PTPRG: variants seen among roughly 807,000 people sequenced by gnomAD.
PTPRG encodes the protein protein tyrosine phosphatase receptor type G.
In PTPRG, 102 loss-of-function variants were observed where a neutral mutation model predicts 165.3. The observed-to-expected ratio is 0.62, with a 90% CI of 0.53 to 0.73. PTPRG has a LOEUF of 0.73. Among genes scored for constraint, PTPRG ranks in the 30% least tolerant of loss-of-function variants. The pLI is 0.00. For synonymous variants in PTPRG, 675 were observed against 669.5 expected, an observed-to-expected ratio of 1.01 and a Z score of -0.13; for missense variants, 1,866 against 1,861.4, an observed-to-expected ratio of 1.00 and a Z score of -0.05.
At chr3:61,826,586 T>G (rs186023825) in intron 2 of PTPRG, among the ~76,000 whole-genome samples, 1 of 152,286 alleles carries the variant, frequency 6.6e-6, no homozygotes, top group East Asian at 1.9e-4. Flanking sequence ...ACGGCCAATT[T>G]GTTAAAAATG....
At chr3:61,858,012 A>G (rs941209035) in intron 2 of PTPRG, among the ~76,000 whole-genome samples, 1 of 152,224 alleles carries the variant, frequency 6.6e-6, no homozygotes, top group African/African-American at 2.4e-5. Context: ...CAGACATTGC[A>G]GAATCCCGCC....
Position 62,028,699 on chromosome 3 carries a change from A to G in PTPRG, c.519+25202A>G, listed in dbSNP as rs181565558. ...CTCAAGTCAGCCTAAACATAAAAAG[A>G]TTGTTTATTTTTAAAATATAGGAGT... On this transcript the variant is annotated intron_variant, in intron 4 of 29. Coordinates refer to ENST00000474889, the MANE Select transcript of PTPRG (RefSeq NM_002841.4). 1.8e-3 allele frequency among the ~76,000 whole-genome samples: 267 copies of G among 152,312 alleles called. 1 individual carries two copies. Among genetic ancestry groups the G allele is most frequent in the Admixed American group, 6.1e-3 (93 of 15,304 alleles).
chr3:61,975,984 G>A lies in PTPRG; in HGVS notation c.191-13641G>A, dbSNP rs542135591. Reference sequence around the variant, plus strand: ...CCACTGTCATGTGTTGGATTACAAAGGTGAAGTTCTATGTCCTACCCTTGA... The same window carrying A: ...CCACTGTCATGTGTTGGATTACAAAAGTGAAGTTCTATGTCCTACCCTTGA... On this transcript the variant is annotated intron_variant, in intron 2 of 29. Coordinates refer to ENST00000474889, the MANE Select transcript of PTPRG (RefSeq NM_002841.4). Among the ~76,000 whole-genome samples the A allele has an allele frequency of 1.8e-3, 277 of 152,226 alleles. 1 individual carries two copies. The highest frequency in any genetic ancestry group is 6.5e-3 in the African/African-American group (271 of 41,536).
chr3:62,259,828 T>G (rs918111065), intron 16 of PTPRG, among the ~76,000 whole-genome samples: 5 of 152,078 alleles, frequency 3.3e-5, no homozygotes, highest in Non-Finnish European at 1.5e-5. Flanking sequence ...CTTACCAAGG[T>G]AAATGGCAAT....
Position 62,233,792 on chromosome 3 carries a change from G to A in PTPRG, c.2375+2481G>A, listed in dbSNP as rs954894955. ...AAAAGCAGGACAACAGCTGTGAGAGGTGATTATCCTCCCAGAAAGGAGAGG... is the reference window on the plus strand; with the variant it reads ...AAAAGCAGGACAACAGCTGTGAGAGATGATTATCCTCCCAGAAAGGAGAGG... On this transcript the variant is annotated intron_variant, in intron 14 of 29. Transcript: ENST00000474889. This position sits in a 1 kb window ranked among gnomAD's most constrained non-coding sequence, Gnocchi z 4.7. Among the ~76,000 whole-genome samples, 1 of 152,208 alleles carries A rather than the reference G, an allele frequency of 6.6e-6. No individual in the cohort carries two copies.
intron 2 of PTPRG, among the ~76,000 whole-genome samples, chr3:61,895,035 G>T (rs183467016): frequency 1.3e-5 from 2 of 152,302 alleles, no homozygotes; most frequent in Admixed American, 6.5e-5. Context: ...GTGACAACCA[G>T]TGTCTCCAGA....
chr3:61,859,688 G>T (rs926774032), intron 2 of PTPRG, among the ~76,000 whole-genome samples: 3 of 151,596 alleles, frequency 2.0e-5, no homozygotes, highest in Non-Finnish European at 4.4e-5. Flanking sequence ...GCAAGCAAAT[G>T]ACCCCCATAT....
rs80254379 is a variant in PTPRG at position 61,973,076 on chromosome 3, T to C, written c.191-16549T>C. ...GTCCTGCCGAGACACTTGAAAGGTCTAAATTTCCCCTTAAAAAGTAGTCCT... is the reference window on the plus strand; with the variant it reads ...GTCCTGCCGAGACACTTGAAAGGTCCAAATTTCCCCTTAAAAAGTAGTCCT... On this transcript the variant is annotated intron_variant, in intron 2 of 29. Coordinates refer to ENST00000474889, the MANE Select transcript of PTPRG (RefSeq NM_002841.4). Among the ~76,000 whole-genome samples the C allele has an allele frequency of 1.3e-3, 191 of 152,338 alleles. 3 individuals are homozygous for C. The East Asian group carries it at 0.032, about 26-fold the overall frequency.
chr3:62,061,413 A>G (rs1353380840), intron 4 of PTPRG, among the ~76,000 whole-genome samples: 1 of 150,354 alleles, frequency 6.7e-6, no homozygotes, highest in African/African-American at 2.4e-5. Flanking sequence ...GGTTGACACC[A>G]TCTCCGGTAG....
intron 5 of PTPRG, among the ~76,000 whole-genome samples, chr3:62,095,223 G>T (rs1323686151): frequency 6.6e-6 from 1 of 152,144 alleles, no homozygotes; most frequent in African/African-American, 2.4e-5. Context: ...GGTGTCAGAG[G>T]GGACTCTTAC....
In PTPRG at chr3:61,636,062, T is replaced by C. The variant is rs138442759; in HGVS notation, c.85+73690T>C. Among the ~76,000 whole-genome samples the C allele has an allele frequency of 1.3e-3, 194 of 152,262 alleles. 2 individuals are homozygous for C. In the South Asian group the frequency reaches 0.014, roughly 11 times the overall value. On this transcript the variant is annotated intron_variant, in intron 1 of 29. Transcript: ENST00000474889. ...CATTTTTCATTCTTGCATAAATTCT[T>C]CCTAAATTTGAGCTATCCTGAAGGT...
rs553539464 is a variant in PTPRG at position 61,775,259 on chromosome 3, T to A, written c.190+26277T>A. Among the ~76,000 whole-genome samples the A allele has an allele frequency of 2.0e-5, 3 of 152,208 alleles. No homozygotes were observed. The South Asian group carries it at 6.2e-4, about 32-fold the overall frequency. On this transcript the variant is annotated intron_variant, in intron 2 of 29. Coordinates refer to ENST00000474889, the MANE Select transcript of PTPRG (RefSeq NM_002841.4). ...ATACTTTTTGTATTTTTAGTTGAGATGGGGTTTCACCATGGTGGCCAGGCT... is the reference window on the plus strand; with the variant it reads ...ATACTTTTTGTATTTTTAGTTGAGAAGGGGTTTCACCATGGTGGCCAGGCT...
Position 62,240,489 on chromosome 3 carries a change from C to G in PTPRG, c.2376-3318C>G, listed in dbSNP as rs144177208. 3.9e-4 allele frequency among the ~76,000 whole-genome samples: 59 copies of G among 152,222 alleles called. No homozygotes were observed. In the East Asian group the frequency reaches 0.011, roughly 28 times the overall value. Reference sequence around the variant, plus strand: ...TCTAATCCATTCATCATGTAGCAGCCAAAATGAGCTTTCTGAAAGAAGCAA... The same window carrying G: ...TCTAATCCATTCATCATGTAGCAGCGAAAATGAGCTTTCTGAAAGAAGCAA... On this transcript the variant is annotated intron_variant, in intron 14 of 29. Coordinates refer to ENST00000474889, the MANE Select transcript of PTPRG (RefSeq NM_002841.4). This position sits in a 1 kb window ranked among gnomAD's most constrained non-coding sequence, Gnocchi z 5.1.
At chr3:61,609,007 T>C (rs115913167) in intron 1 of PTPRG, among the ~76,000 whole-genome samples, 1,742 of 152,290 alleles carry the variant, frequency 0.011, 21 homozygotes, top group Non-Finnish European at 0.019. Flanking sequence ...TTGCCCTCGA[T>C]GTGTGAGGTT....
intron 23 of PTPRG, among the ~76,000 whole-genome samples, chr3:62,275,241 T>A (rs895898142): frequency 6.6e-6 from 1 of 152,224 alleles, no homozygotes; most frequent in Non-Finnish European, 1.5e-5. Context: ...AACAGAAATG[T>A]ACTGAGAACT....
At chr3:61,671,999 C>G (rs1409516795) in intron 1 of PTPRG, among the ~76,000 whole-genome samples, 1 of 119,376 alleles carries the variant, frequency 8.4e-6, no homozygotes, top group Non-Finnish European at 1.7e-5. Context: ...CCTCACTTCT[C>G]AGACGGGGCG....
At chr3:62,260,042 T>TG (rs1320040249) in intron 16 of PTPRG, among the ~76,000 whole-genome samples, 1 of 152,164 alleles carries the variant, frequency 6.6e-6, no homozygotes, top group African/African-American at 2.4e-5. Context: ...ATTTATACCC[T>TG]GAGCAGGAGA....
chr3:62,292,290 C>T, intron 28 of PTPRG, 131 bp from the exon 29 acceptor site: 1 of 1,008,270 alleles, frequency 9.9e-7, no homozygotes, highest in East Asian at 2.6e-5. Context: ...GCATTTCATT[C>T]AGTCGTGTCT....
At position 61,791,644 on chromosome 3, in the gene PTPRG, C is replaced by G. The variant is rs141149188; in HGVS notation, c.190+42662C>G. Among the ~76,000 whole-genome samples the G allele has an allele frequency of 2.0e-5, 3 of 152,156 alleles. No individual in the cohort carries two copies. In the South Asian group the frequency reaches 6.2e-4, roughly 32 times the overall value. On this transcript the variant is annotated intron_variant, in intron 2 of 29. Coordinates refer to ENST00000474889, the MANE Select transcript of PTPRG (RefSeq NM_002841.4). Reference sequence around the variant, plus strand: ...CTGGAATTACAGACATGTGCCACCACGCCTGGCTAATGTTTATATTTTCAG... The same window carrying G: ...CTGGAATTACAGACATGTGCCACCAGGCCTGGCTAATGTTTATATTTTCAG...
Sources: gnomAD v4.1 joint callset for allele counts (sites outside exome capture counted in the v4.1 genomes callset) on GRCh38, gnomAD v4.1.1 for gene constraint, Gnocchi (gnomAD v3.1) non-coding constraint, MANE v1.5 for transcripts, NCBI Gene and HGNC (gene_info 2026-07-23, HGNC 2026-07-21) for gene names.